CPNE7: variants seen among roughly 807,000 people sequenced by gnomAD.
CPNE7 encodes the protein copine-7.
CPNE7 carries 78 observed loss-of-function variants against 66.5 expected under a neutral mutation model. That is an observed-to-expected ratio of 1.17 (90% CI 0.98 to 1.42). CPNE7 has a LOEUF of 1.42. CPNE7 is among the 40% of genes most tolerant of loss of function. CPNE7 has a pLI of 0.00. For synonymous variants in CPNE7, 468 were observed against 336.7 expected (o/e 1.39, Z -4.27); for missense variants, 1,012 against 776.6 (o/e 1.30, Z -3.60).
At chr16:89,596,456 G>A in intron 14 of CPNE7, 28 bp from the exon 15 acceptor site, 1 of 1,593,252 alleles carries the variant, frequency 6.3e-7, no homozygotes, top group Non-Finnish European at 8.5e-7. Flanking sequence ...GAAGGTCCCA[G>A]AGGTAACTGC....
chr16:89,589,676 G>C (rs1037125784), intron 10 of CPNE7, among the ~76,000 whole-genome samples: 1 of 152,202 alleles, frequency 6.6e-6, no homozygotes, highest in African/African-American at 2.4e-5. Flanking sequence ...GTGGAGTTGG[G>C]AGGCAGGCTC....
rs1210474470 is a variant in CPNE7 at position 89,596,577 on chromosome 16, C to T, written c.1633C>T (p.Leu545=). ...CCACAGAGGCCTGCCCCCGAGAAGC[C>T]TGGGTGTCCCTGCCGGAGAGGCCAG... ...YSHRGLPPRS[L]GVPAGEASPG... Residue 545 remains leucine, a synonymous_variant, in exon 15 of 15, where the codon CTG becomes TTG. Transcript: ENST00000319518. 4 of 1,608,420 alleles carry T rather than the reference C, an allele frequency of 2.5e-6. No individual in the cohort carries two copies. The African/African-American group carries it at 4.0e-5, about 16-fold the overall frequency.
chr16:89,593,979 T>TCACACCTAAC (rs2059213886), intron 13 of CPNE7: 1 of 152,198 alleles, frequency 6.6e-6, no homozygotes, highest in South Asian at 2.1e-4. Context: ...CGACACCTGA[T>TCACACCTAAC]CACACCTAAC....
chr16:89,591,515 C>G (rs1370873260), intron 13 of CPNE7, among the ~76,000 whole-genome samples: 1 of 152,208 alleles, frequency 6.6e-6, no homozygotes, highest in Non-Finnish European at 1.5e-5. Flanking sequence ...CTCTCCTCTT[C>G]CTCTGGGCAC....
Position 89,584,443 on chromosome 16 carries a change from C to T in CPNE7, c.508-331C>T, listed in dbSNP as rs545716069. 6.6e-6 allele frequency among the ~76,000 whole-genome samples: 1 copy of T among 152,296 alleles called. No homozygotes were observed. The highest frequency in any genetic ancestry group is 2.1e-4 in the South Asian group (1 of 4,830). On this transcript the variant is annotated intron_variant, in intron 4 of 14. Coordinates refer to ENST00000319518, the MANE Select transcript of CPNE7 (RefSeq NM_153636.3). The surrounding 1 kb of genome is among the most constrained non-coding windows in gnomAD (Gnocchi z 6.0). Reference sequence around the variant, plus strand: ...AGCGCGCGGTTCTGCGGGCTCGTCACGTGGGTGGGCAGAACAGGGTCCAAC... The same window carrying T: ...AGCGCGCGGTTCTGCGGGCTCGTCATGTGGGTGGGCAGAACAGGGTCCAAC...
In CPNE7 at chr16:89,587,713, A is replaced by ACG. The variant is rs2059080686; in HGVS notation, c.927+611_927+612insCG. 2 of 241,972 alleles carry ACG rather than the reference A, an allele frequency of 8.3e-6. 1 individual carries two copies. Among genetic ancestry groups the ACG allele is most frequent in the Non-Finnish European group, 1.7e-5 (2 of 115,818 alleles). The allele number at this position is 241,972 out of a possible 1,614,324, so 15.0% of individuals were successfully genotyped here. A position where few individuals can be genotyped will look rare whatever the true frequency, so the allele number is the denominator to read the frequency against. ...GATACGCACACCCCGTGTCACCCCC[A>ACG]TAGCACCCCCGTGTCACCCACAGAT... is the stretch of plus-strand genomic sequence containing the variant. On this transcript the variant is annotated intron_variant, in intron 9 of 14. Transcript: ENST00000319518.
intron 14 of CPNE7, 99 bp from the exon 15 acceptor site, chr16:89,596,385 C>G: frequency 2.7e-6 from 4 of 1,472,740 alleles, no homozygotes; most frequent in Non-Finnish European, 3.6e-6. Flanking sequence ...AGTCACCACT[C>G]GGCTCTGGAG....
intron 2 of CPNE7, among the ~76,000 whole-genome samples, chr16:89,577,934 T>A (rs897399874): frequency 2.6e-5 from 4 of 152,180 alleles, no homozygotes; most frequent in African/African-American, 9.7e-5. Flanking sequence ...AGCCTGAAGG[T>A]ATAAAAGGCT....
chr16:89,590,315 A>G (rs1277236897), intron 11 of CPNE7, among the ~76,000 whole-genome samples: 1 of 152,216 alleles, frequency 6.6e-6, no homozygotes, highest in Non-Finnish European at 1.5e-5. Context: ...ACCTGAGGTC[A>G]GGAGTTCCAG....
intron 2 of CPNE7, among the ~76,000 whole-genome samples, chr16:89,581,334 G>A (rs528208983): frequency 2.7e-5 from 4 of 149,432 alleles, no homozygotes; most frequent in South Asian, 2.1e-4. Flanking sequence ...CCCATCACCC[G>A]TCACACGGAA....
At chr16:89,589,104 C>T (rs1040254626) in intron 10 of CPNE7, among the ~76,000 whole-genome samples, 2 of 152,160 alleles carry the variant, frequency 1.3e-5, no homozygotes, top group African/African-American at 4.8e-5. Context: ...CCAGCCTGGC[C>T]AACATGGTGA....
chr16:89,587,072 T>G lies in CPNE7; in HGVS notation c.897T>G (p.Tyr299Ter). The stretch of plus-strand genomic sequence containing the variant: ...ACAGGGTGTACTCCTTCCTGGACTA[T>G]ATCATGGGCGGCTGCCAGATCCACT... ...KFHRVYSFLD[Y>*]IMGGCQIHFT... The change falls in exon 9 of 15, where the codon TAT becomes TAG. Residue 299 changes from tyrosine (Y) to a stop codon, truncating the protein, a stop_gained. Coordinates refer to ENST00000319518, the MANE Select transcript of CPNE7 (RefSeq NM_153636.3). LOFTEE classifies it high-confidence loss of function. The G allele has an allele frequency of 6.3e-7, 1 of 1,577,496 alleles. No homozygotes were observed. The highest frequency in any genetic ancestry group is 8.6e-7 in the Non-Finnish European group (1 of 1,161,752).
Position 89,595,443 on chromosome 16 carries a change from C to G in CPNE7, c.1379C>G (p.Ala460Gly). 1 of 1,611,616 alleles carries G rather than the reference C, an allele frequency of 6.2e-7. No homozygotes were observed. Among genetic ancestry groups the G allele is most frequent in the Non-Finnish European group, 8.5e-7 (1 of 1,179,234 alleles). The change falls in exon 14 of 15, where the codon GCC (alanine) becomes GGC (glycine). Residue 460 changes from alanine (A) to glycine (G), a missense_variant. Transcript: ENST00000319518. ...GACACACGGGAGGCCATTGTGCGTGCCTCACGCCTGCCCATGTCCATCATC... is the reference window on the plus strand; with the variant it reads ...GACACACGGGAGGCCATTGTGCGTGGCTCACGCCTGCCCATGTCCATCATC... ...MADTREAIVR[A>G]SRLPMSIIIV...
At position 89,585,512 on chromosome 16, in the gene CPNE7, C is replaced by T. The variant is rs752410729; in HGVS notation, c.640C>T (p.Leu214=). The change falls in exon 6 of 15, where the codon CTG becomes TTG. Residue 214 remains leucine (L), a synonymous_variant. Coordinates refer to ENST00000319518, the MANE Select transcript of CPNE7 (RefSeq NM_153636.3). The part of the protein sequence containing the change: ...NPVWEAFKVS[L]SSLCSCEETR... ...GGTGTGGGAGGCCTTCAAAGTCTCT[C>T]TGAGTTCCCTCTGCAGCTGCGAGGA... 2 of 1,612,228 alleles carry T rather than the reference C, an allele frequency of 1.2e-6. No individual in the cohort carries two copies. Among genetic ancestry groups the T allele is most frequent in the East Asian group, 2.2e-5 (1 of 44,750 alleles).
intron 2 of CPNE7, among the ~76,000 whole-genome samples, chr16:89,580,309 GC>G: frequency 4.0e-5 from 5 of 124,198 alleles, no homozygotes; most frequent in African/African-American, 1.6e-4. Context: ...CCCGTCACCC[GC>G]TGACACAGAA....
At chr16:89,588,231 C>T (rs1213135173) in intron 9 of CPNE7, among the ~76,000 whole-genome samples, 2 of 152,130 alleles carry the variant, frequency 1.3e-5, no homozygotes, top group African/African-American at 2.4e-5. Context: ...ATACACGGCC[C>T]CCGTGTCACC....
Position 89,584,716 on chromosome 16 carries a change from C to T in CPNE7, c.508-58C>T. 1 of 1,320,830 alleles carries T rather than the reference C, an allele frequency of 7.6e-7. No individual in the cohort carries two copies. Among genetic ancestry groups the T allele is most frequent in the Non-Finnish European group, 1.1e-6 (1 of 924,178 alleles). The allele number at this position is 1,320,830 out of a possible 1,614,324, so 81.8% of individuals were successfully genotyped here. On this transcript the variant is annotated intron_variant, in intron 4 of 14. Transcript: ENST00000319518. The surrounding 1 kb of genome is among the most constrained non-coding windows in gnomAD (Gnocchi z 6.0). Reference sequence around the variant, plus strand: ...GCCCTGGGAAACGACAAAGCCAGCTCCCATCCAAAGCCCGATCTCACAGTG... The same window carrying T: ...GCCCTGGGAAACGACAAAGCCAGCTTCCATCCAAAGCCCGATCTCACAGTG...
intron 1 of CPNE7, 58 bp from the exon 2 acceptor site, chr16:89,577,481 G>A: frequency 6.6e-7 from 1 of 1,522,516 alleles, no homozygotes; most frequent in Non-Finnish European, 8.9e-7. Flanking sequence ...GGAGATGGAG[G>A]TCTGGAGCCC....
intron 13 of CPNE7, among the ~76,000 whole-genome samples, chr16:89,594,968 G>T (rs2059230734): frequency 6.6e-6 from 1 of 152,128 alleles, no homozygotes; most frequent in South Asian, 2.1e-4. Context: ...CAGTCTTGTG[G>T]CAGCACAGCG....
Sources: allele counts gnomAD v4.1 joint callset (sites outside exome capture counted in the v4.1 genomes callset), GRCh38; gene constraint gnomAD v4.1.1; non-coding constraint Gnocchi (gnomAD v3.1); transcripts MANE v1.5; gene names NCBI Gene and HGNC (gene_info 2026-07-23, HGNC 2026-07-21).